Variants in CLVS2 observed in about 807,000 individuals in gnomAD.
CLVS2 encodes the protein clavesin-2.
Under a neutral mutation model 29.0 loss-of-function variants are expected in CLVS2, and 19 were observed. The observed-to-expected ratio is 0.66, with a 90% CI of 0.46 to 0.96. The LOEUF (loss-of-function observed/expected upper bound fraction) is 0.96, where lower values mean the gene tolerates loss of function less well. CLVS2 is among the 40% of genes least tolerant of loss of function. The pLI is 0.00. For missense variants in CLVS2, 294 were observed against 404.1 expected (o/e 0.73, Z 2.34); for synonymous variants, 161 against 151.3 (o/e 1.06, Z -0.47).
chr6:122,999,277 C>T (rs1312039866), intron 2 of CLVS2, among the ~76,000 whole-genome samples: 2 of 152,156 alleles, frequency 1.3e-5, no homozygotes, highest in African/African-American at 4.8e-5. Context: ...TAGAGATTTC[C>T]AGATAGGCTT....
At chr6:123,010,898 T>C in intron 2 of CLVS2, 87 bp from the exon 3 acceptor site, 1 of 870,774 alleles carries the variant, frequency 1.1e-6, no homozygotes, top group Non-Finnish European at 1.6e-6. Flanking sequence ...TATTTTAAAG[T>C]GAATTTTTAG....
intron 3 of CLVS2, among the ~76,000 whole-genome samples, chr6:123,022,047 C>T (rs1354083419): frequency 6.6e-6 from 1 of 151,994 alleles, no homozygotes; most frequent in African/African-American, 2.4e-5. Flanking sequence ...GGAAGCTTAT[C>T]ACCGTGTCAT....
chr6:123,049,804 T>TGA (rs1772575948), intron 4 of CLVS2, among the ~76,000 whole-genome samples: 1 of 118,934 alleles, frequency 8.4e-6, no homozygotes, highest in African/African-American at 3.5e-5. Flanking sequence ...TGTTGTGGGA[T>TGA]GGGGGGCGGG....
chr6:123,001,927 G>GTCACCT (rs1774594104), intron 2 of CLVS2, among the ~76,000 whole-genome samples: 7 of 152,292 alleles, frequency 4.6e-5, no homozygotes, highest in African/African-American at 1.7e-4. Context: ...AATGATGATA[G>GTCACCT]GAAGTGTCAG....
At chr6:123,060,713 G>A (rs191001302) in intron 5 of CLVS2, among the ~76,000 whole-genome samples, 560 of 152,286 alleles carry the variant, frequency 3.7e-3, no homozygotes, top group Middle Eastern at 0.02. Flanking sequence ...GTTTATGGAT[G>A]CATTGTTGCA....
At chr6:123,059,432 G>A (rs1046228010) in intron 5 of CLVS2, among the ~76,000 whole-genome samples, 2 of 152,204 alleles carry the variant, frequency 1.3e-5, no homozygotes, top group Non-Finnish European at 2.9e-5. Context: ...AGTGCCTGGA[G>A]AAGGTCCTGG....
chr6:123,048,597 TG>T (rs1260406596), intron 3 of CLVS2, 24 bp from the exon 4 acceptor site: 2 of 1,483,562 alleles, frequency 1.3e-6, no homozygotes, highest in Non-Finnish European at 1.9e-6. Flanking sequence ...ATATTTTGAT[TG>T]TTTTTTTCTC....
At chr6:123,020,273 G>T (rs1160686594) in intron 3 of CLVS2, among the ~76,000 whole-genome samples, 1 of 152,000 alleles carries the variant, frequency 6.6e-6, no homozygotes, top group Non-Finnish European at 1.5e-5. Flanking sequence ...GAGTATCCCA[G>T]ATCTTAAAAC....
chr6:123,009,946 G>A (rs1753130043), intron 2 of CLVS2, among the ~76,000 whole-genome samples: 1 of 151,992 alleles, frequency 6.6e-6, no homozygotes, highest in African/African-American at 2.4e-5. Flanking sequence ...TGTTTCAGAA[G>A]CTTGCTTGAT....
intron 3 of CLVS2, among the ~76,000 whole-genome samples, chr6:123,017,386 A>G (rs948645525): frequency 1.3e-5 from 2 of 151,882 alleles, no homozygotes. Context: ...AAACACACAG[A>G]CTCGTGAACT....
chr6:122,999,596 A>G (rs1286875939), intron 2 of CLVS2, among the ~76,000 whole-genome samples: 13 of 152,224 alleles, frequency 8.5e-5, no homozygotes, highest in Admixed American at 8.5e-4. Context: ...TTGTTTAAAA[A>G]TGTTTTCTTT....
At chr6:123,038,797 T>C (rs943833944) in intron 3 of CLVS2, among the ~76,000 whole-genome samples, 2 of 152,210 alleles carry the variant, frequency 1.3e-5, no homozygotes, top group African/African-American at 2.4e-5. Flanking sequence ...TATTCTTTTG[T>C]TGAAGTAAAT....
At chr6:123,038,693 A>G (rs1255992971) in intron 3 of CLVS2, among the ~76,000 whole-genome samples, 2 of 152,046 alleles carry the variant, frequency 1.3e-5, no homozygotes, top group African/African-American at 2.4e-5. Flanking sequence ...CTAATATTGT[A>G]TATTGATTTT....
chr6:123,037,640 T>A (rs1775173357), intron 3 of CLVS2, among the ~76,000 whole-genome samples: 1 of 152,026 alleles, frequency 6.6e-6, no homozygotes, highest in Non-Finnish European at 1.5e-5. Flanking sequence ...TGACCCTCAC[T>A]GCCTTAACTC....
In CLVS2 at chr6:123,047,300, T is replaced by C. The variant is rs9401633; in HGVS notation, c.565-1322T>C. Among the ~76,000 whole-genome samples the C allele has an allele frequency of 6.9e-3, 1,048 of 152,204 alleles. 53 individuals carry two copies. In the East Asian group the frequency reaches 0.13, roughly 18 times the overall value. Reference sequence around the variant, plus strand: ...AACTTTAAAATATACTATGCCTGTATTCAGATTCATTTCATTATTATAATA... The same window carrying C: ...AACTTTAAAATATACTATGCCTGTACTCAGATTCATTTCATTATTATAATA... On this transcript the variant is annotated intron_variant, in intron 3 of 5. Coordinates refer to ENST00000275162, the MANE Select transcript of CLVS2 (RefSeq NM_001010852.4).
chr6:123,044,711 C>T (rs188527741), intron 3 of CLVS2, among the ~76,000 whole-genome samples: 2 of 152,190 alleles, frequency 1.3e-5, no homozygotes, highest in African/African-American at 4.8e-5. Context: ...GATTTCTAGT[C>T]TTGTCTTTGT....
At position 123,026,125 on chromosome 6, in the gene CLVS2, A is replaced by C. The variant is rs565447266; in HGVS notation, c.564+14966A>C. ...AAGAGTAATATTTGCAAAGTGTAAA[A>C]ATATGAACAATGATTATGCATAATA... is the stretch of plus-strand genomic sequence containing the variant. On this transcript the variant is annotated intron_variant, in intron 3 of 5. Coordinates refer to ENST00000275162, the MANE Select transcript of CLVS2 (RefSeq NM_001010852.4). Among the ~76,000 whole-genome samples, 4 of 152,248 alleles carry C rather than the reference A, an allele frequency of 2.6e-5. No homozygotes were observed. In the East Asian group the frequency reaches 7.7e-4, roughly 29 times the overall value.
chr6:123,048,809 T>C, intron 4 of CLVS2, 77 bp downstream of exon 4: 1 of 879,554 alleles, frequency 1.1e-6, no homozygotes, highest in East Asian at 2.4e-5. Context: ...TATATAATGT[T>C]AGCTATAGTA....
rs773211460 is a variant in CLVS2, at chr6:122,997,956, C to T, written c.179C>T (p.Ala60Val). The part of the protein sequence containing the change: ...DDAFILRFLR[A>V]RKFHHFEAFR... ...GCCTTCATCTTACGCTTCTTGCGGG[C>T]TAGGAAGTTTCATCACTTTGAGGCC... Residue 60 changes from alanine (A) to valine (V), a missense_variant, in exon 2 of 6, where the codon GCT becomes GTT. Physicochemically the swap from Ala to Val is moderately conservative, Grantham distance 64. Coordinates refer to ENST00000275162, the MANE Select transcript of CLVS2 (RefSeq NM_001010852.4). 1.2e-6 allele frequency: 2 copies of T among 1,614,044 alleles called. No individual in the cohort carries two copies. The highest frequency in any genetic ancestry group is 1.7e-6 in the Non-Finnish European group (2 of 1,179,966).
Sources: allele counts gnomAD v4.1 joint callset (sites outside exome capture counted in the v4.1 genomes callset), GRCh38; gene constraint gnomAD v4.1.1; transcripts MANE v1.5; gene names NCBI Gene and HGNC (gene_info 2026-07-23, HGNC 2026-07-21).